Variants in UNC5B observed in about 807,000 individuals in gnomAD.
UNC5B encodes the protein unc-5 netrin receptor B, also known as netrin receptor UNC5B.
Under a neutral mutation model 103.7 loss-of-function variants are expected in UNC5B, and 56 were observed. The observed-to-expected ratio is 0.54, with a 90% CI of 0.44 to 0.67. UNC5B has a LOEUF of 0.67. Ranked by LOEUF, UNC5B falls within the 30% of genes least tolerant of loss-of-function variation. The pLI is 0.00. For synonymous variants in UNC5B, 577 were observed against 542.0 expected (o/e 1.06, Z -0.90); for missense variants, 1,194 against 1,284.5 (o/e 0.93, Z 1.08).
chr10:71,235,996 G>A (rs764720665), intron 1 of UNC5B, among the ~76,000 whole-genome samples: 2 of 152,244 alleles, frequency 1.3e-5, no homozygotes, highest in South Asian at 2.1e-4. Flanking sequence ...CCACTAATAC[G>A]CTGTGTGACG....
rs1339516558 is a variant in UNC5B, at chr10:71,282,656, A to G, written c.305-2064A>G. 3.3e-5 allele frequency among the ~76,000 whole-genome samples: 5 copies of G among 151,886 alleles called. No individual in the cohort carries two copies. In the South Asian group the frequency reaches 1.0e-3, roughly 32 times the overall value. On this transcript the variant is annotated intron_variant, in intron 2 of 16. Transcript: ENST00000335350. ...CCATGGCAGGCAGGCACTGTCACCC[A>G]CCCCTGAAGCAGCCTCTTCCCTGGA... is the stretch of plus-strand genomic sequence containing the variant.
At chr10:71,221,418 C>A (rs1843450641) in intron 1 of UNC5B, among the ~76,000 whole-genome samples, 1 of 152,194 alleles carries the variant, frequency 6.6e-6, no homozygotes, top group African/African-American at 2.4e-5. Context: ...TCATGCATAG[C>A]TTCATTTCTC....
chr10:71,224,902 C>T (rs749825115), intron 1 of UNC5B, among the ~76,000 whole-genome samples: 6 of 152,228 alleles, frequency 3.9e-5, no homozygotes, highest in African/African-American at 7.2e-5. Context: ...GGTTATCCTA[C>T]AGACTTCTGA....
intron 15 of UNC5B, among the ~76,000 whole-genome samples, chr10:71,296,953 G>GGT (rs1845451793): frequency 7.2e-6 from 1 of 139,494 alleles, no homozygotes; most frequent in Non-Finnish European, 1.6e-5. Context: ...GTGAGGGAAG[G>GGT]GCGGCCAGAT....
At chr10:71,255,090 G>T (rs1407472407) in intron 1 of UNC5B, among the ~76,000 whole-genome samples, 1 of 152,152 alleles carries the variant, frequency 6.6e-6, no homozygotes, top group Non-Finnish European at 1.5e-5. Flanking sequence ...ATTATTCCAT[G>T]AATCTTTCTC....
In UNC5B at chr10:71,299,114, A is replaced by G. The variant is rs1199423666; in HGVS notation, c.2675A>G (p.Tyr892Cys). ...AGTGCCCTCCTTCCCTCTGCCAGGT[A>G]CCTGAATTACTTTGCCACCAAAGCG... The part of the protein sequence containing the change: ...MLAQKLSMDR[Y>C]LNYFATKASP... Residue 892 changes from tyrosine (Y) to cysteine (C), a missense_variant and splice_region_variant, in exon 17 of 17, where the codon TAC (tyrosine) becomes TGC (cysteine). Transcript: ENST00000335350. The G allele has an allele frequency of 2.5e-6, 4 of 1,614,126 alleles. No homozygotes were observed. In the South Asian group the frequency reaches 3.3e-5, roughly 13 times the overall value.
intron 1 of UNC5B, among the ~76,000 whole-genome samples, chr10:71,221,360 G>A (rs1235304142): frequency 3.3e-5 from 5 of 152,176 alleles, no homozygotes; most frequent in Admixed American, 6.5e-5. Flanking sequence ...GCTCAAGTGC[G>A]CCCTGCTGAG....
chr10:71,284,444 G>A (rs1052083823), intron 2 of UNC5B, among the ~76,000 whole-genome samples: 3 of 152,188 alleles, frequency 2.0e-5, no homozygotes, highest in Non-Finnish European at 2.9e-5. Flanking sequence ...GTCTCATAAC[G>A]GGGGGAATGA....
Position 71,291,440 on chromosome 10 carries a change from C to T in UNC5B, c.1303C>T (p.Gln435Ter). The T allele has an allele frequency of 6.2e-7, 1 of 1,604,868 alleles. No individual in the cohort carries two copies. Among genetic ancestry groups the T allele is most frequent in the South Asian group, 1.1e-5 (1 of 89,768 alleles). ...AGCCCCTACTCCTGCAGGCAACCCG[C>T]AGCTCCTACACCCCTCTGTGCCTCC... ...NFKTARPSNP[Q>*]LLHPSVPPDL... Residue 435 changes from glutamine to a stop codon, truncating the protein, a stop_gained, in exon 10 of 17, where the codon CAG (glutamine) becomes TAG (stop). Transcript: ENST00000335350. LOFTEE classifies it high-confidence loss of function.
At chr10:71,276,732 CCTACTCCCTTA>C (rs1844781043) in intron 1 of UNC5B, among the ~76,000 whole-genome samples, 1 of 152,238 alleles carries the variant, frequency 6.6e-6, no homozygotes, top group Admixed American at 6.5e-5. Flanking sequence ...CTGCGCCCGG[CCTACTCCCTTA>C]CTGAAGTTGC....
At chr10:71,264,732 C>T (rs764718199) in intron 1 of UNC5B, among the ~76,000 whole-genome samples, 3 of 152,152 alleles carry the variant, frequency 2.0e-5, no homozygotes, top group Non-Finnish European at 4.4e-5. Flanking sequence ...AAGGCCCACC[C>T]CACACCGACT....
intron 1 of UNC5B, among the ~76,000 whole-genome samples, chr10:71,221,838 G>T (rs1294344829): frequency 6.6e-6 from 1 of 152,198 alleles, no homozygotes; most frequent in African/African-American, 2.4e-5. Context: ...AGAGCAAGTT[G>T]CTTACCCTCT....
intron 1 of UNC5B, among the ~76,000 whole-genome samples, chr10:71,269,304 A>G (rs1844590817): frequency 6.7e-6 from 1 of 148,952 alleles, no homozygotes; most frequent in Non-Finnish European, 1.5e-5. Flanking sequence ...AAACCCAAAC[A>G]TCTGTTTTCA....
At chr10:71,238,263 A>G (rs912115808) in intron 1 of UNC5B, among the ~76,000 whole-genome samples, 2 of 152,104 alleles carry the variant, frequency 1.3e-5, no homozygotes, top group African/African-American at 2.4e-5. Flanking sequence ...TGGAGGGTGC[A>G]AAGGGTCCTG....
At chr10:71,294,025 A>G in intron 13 of UNC5B, 92 bp downstream of exon 13, 1 of 1,194,060 alleles carries the variant, frequency 8.4e-7, no homozygotes, top group East Asian at 2.6e-5. Flanking sequence ...GGGTCCTCCC[A>G]GGAACCCCTC....
intron 1 of UNC5B, among the ~76,000 whole-genome samples, chr10:71,226,145 G>A (rs1168673080): frequency 1.6e-4 from 25 of 152,192 alleles, no homozygotes; most frequent in Non-Finnish European, 4.4e-5. Flanking sequence ...CACCATCTCG[G>A]CTCACTGCAA....
rs1314218895 is a variant in UNC5B at position 71,284,826 on chromosome 10, C to T, written c.411C>T (p.Gly137=). The change falls in exon 3 of 17, where the codon GGC becomes GGT. Residue 137 remains glycine, a synonymous_variant. Coordinates refer to ENST00000335350, the MANE Select transcript of UNC5B (RefSeq NM_170744.5). ...AGTGCGTGGCCTGGAGCTCCGCGGG[C>T]ACCACCAAGAGTCGCCGAGCCTACG... ...WCQCVAWSSA[G]TTKSRRAYVR... 1 of 1,612,900 alleles carries T rather than the reference C, an allele frequency of 6.2e-7. No homozygotes were observed. The highest frequency in any genetic ancestry group is 1.7e-5 in the Admixed American group (1 of 59,952).
intron 1 of UNC5B, among the ~76,000 whole-genome samples, chr10:71,231,291 G>T (rs1254753282): frequency 6.6e-6 from 1 of 152,158 alleles, no homozygotes; most frequent in African/African-American, 2.4e-5. Flanking sequence ...GTATGGGCTC[G>T]GCCATTGCTA....
At chr10:71,233,779 A>G (rs1843725654) in intron 1 of UNC5B, among the ~76,000 whole-genome samples, 2 of 152,312 alleles carry the variant, frequency 1.3e-5, no homozygotes, top group South Asian at 4.1e-4. Flanking sequence ...CCAGCACCAG[A>G]CAGAAGCCTT....
Sources: gnomAD v4.1 joint callset for allele counts (sites outside exome capture counted in the v4.1 genomes callset) on GRCh38, gnomAD v4.1.1 for gene constraint, MANE v1.5 for transcripts, NCBI Gene and HGNC (gene_info 2026-07-23, HGNC 2026-07-21) for gene names.